DHTKD1: variants seen among roughly 807,000 people sequenced by gnomAD.
DHTKD1 encodes the protein dehydrogenase E1 and transketolase domain containing 1, also known as 2-oxoadipate dehydrogenase complex component E1.
A neutral mutation model predicts 101.8 loss-of-function variants in DHTKD1; 78 were observed. That is an observed-to-expected ratio of 0.77 (90% CI 0.64 to 0.93). DHTKD1 has a LOEUF of 0.93. Among genes scored for constraint, DHTKD1 ranks in the 40% least tolerant of loss-of-function variants. The pLI is 0.00. For missense variants in DHTKD1, 1,223 were observed against 1,161.7 expected (o/e 1.05, Z -0.77); for synonymous variants, 462 against 450.3 (o/e 1.03, Z -0.33).
At chr10:12,099,997 T>G (rs2131366914) in intron 8 of DHTKD1, among the ~76,000 whole-genome samples, 181 bp from the exon 9 acceptor site, 1 of 152,048 alleles carries the variant, frequency 6.6e-6, no homozygotes, top group Non-Finnish European at 1.5e-5. Context: ...AGTTTCACCA[T>G]GTTGTCCAGG....
At chr10:12,088,955 AT>A (rs1363968547) in intron 4 of DHTKD1, 30 bp from the exon 5 acceptor site, 10 of 1,591,418 alleles carry the variant, frequency 6.3e-6, no homozygotes, top group Non-Finnish European at 8.6e-6. Flanking sequence ...GATGAATGCC[AT>A]TTTTTTCCTT....
In DHTKD1 at chr10:12,103,164, G is replaced by A. The variant is rs1209444796; in HGVS notation, c.1896+1983G>A. On this transcript the variant is annotated intron_variant, in intron 10 of 16. Coordinates refer to ENST00000263035, the MANE Select transcript of DHTKD1 (RefSeq NM_018706.7). This position sits in a 1 kb window ranked among gnomAD's most constrained non-coding sequence, Gnocchi z 4.8. ...CTTGAACCCAGGAGGCAGAGGTAGT[G>A]AGCGGAGATCATACCACTGCCCTCC... Among the ~76,000 whole-genome samples, 1 of 152,110 alleles carries A rather than the reference G, an allele frequency of 6.6e-6. No homozygotes were observed. The highest frequency in any genetic ancestry group is 1.5e-5 in the Non-Finnish European group (1 of 68,038).
intron 1 of DHTKD1, among the ~76,000 whole-genome samples, chr10:12,077,937 A>G (rs1262156286): frequency 1.3e-5 from 2 of 152,008 alleles, no homozygotes; most frequent in African/African-American, 4.8e-5. Flanking sequence ...GCCCGAAGAA[A>G]TGGTAGTCTG....
chr10:12,095,935 G>A (rs1284922984), intron 7 of DHTKD1, among the ~76,000 whole-genome samples: 1 of 152,168 alleles, frequency 6.6e-6, no homozygotes, highest in Non-Finnish European at 1.5e-5. Context: ...CTTGAACTGG[G>A]GAGGCGGAGG....
intron 6 of DHTKD1, among the ~76,000 whole-genome samples, chr10:12,093,073 C>T (rs376909102): frequency 9.2e-5 from 13 of 140,920 alleles, no homozygotes; most frequent in East Asian, 2.1e-4. Flanking sequence ...GATGGAGTTT[C>T]GCTCTTGTTG....
chr10:12,114,130 C>T (rs910900397), intron 13 of DHTKD1, among the ~76,000 whole-genome samples: 2 of 150,870 alleles, frequency 1.3e-5, no homozygotes, highest in African/African-American at 2.4e-5. Flanking sequence ...TTAACACATA[C>T]GTAGGTTTAC....
chr10:12,097,566 A>G, intron 7 of DHTKD1, 118 bp from the exon 8 acceptor site: 1 of 857,648 alleles, frequency 1.2e-6, no homozygotes. Context: ...GAGCCACTGC[A>G]CCTGTCGAAT....
chr10:12,076,566 C>T (rs1832734737), intron 1 of DHTKD1, among the ~76,000 whole-genome samples: 1 of 152,130 alleles, frequency 6.6e-6, no homozygotes, highest in Non-Finnish European at 1.5e-5. Context: ...GGTGTGATGA[C>T]GTGCACCTGT....
intron 12 of DHTKD1, among the ~76,000 whole-genome samples, chr10:12,109,419 CAG>C (rs1410309447): frequency 2.0e-5 from 3 of 150,848 alleles, no homozygotes; most frequent in African/African-American, 4.9e-5. Context: ...GTTGAAGAAA[CAG>C]AGGAAATGAG....
chr10:12,075,483 G>T (rs189581193), intron 1 of DHTKD1, among the ~76,000 whole-genome samples: 3 of 151,918 alleles, frequency 2.0e-5, no homozygotes, highest in Non-Finnish European at 2.9e-5. Flanking sequence ...CTTGTGATCC[G>T]TCCGCCTCGG....
chr10:12,091,466 C>T (rs777063638), intron 5 of DHTKD1, 47 bp from the exon 6 acceptor site: 4 of 1,197,378 alleles, frequency 3.3e-6, no homozygotes, highest in Non-Finnish European at 4.6e-6. Flanking sequence ...TTCTTAATCC[C>T]TTATGTTTCT....
chr10:12,115,431 G>A (rs987547854), intron 13 of DHTKD1, among the ~76,000 whole-genome samples: 1 of 152,116 alleles, frequency 6.6e-6, no homozygotes, highest in East Asian at 1.9e-4. Flanking sequence ...ATTCAGAGGG[G>A]AGTAGGGAGG....
At chr10:12,083,090 G>A (rs1330274165) in intron 2 of DHTKD1, among the ~76,000 whole-genome samples, 3 of 152,018 alleles carry the variant, frequency 2.0e-5, no homozygotes, top group Admixed American at 2.0e-4. Flanking sequence ...GCCGGGAAGC[G>A]GAGCTTGCAG....
chr10:12,072,472 TAAATAAATAAATAAATAAATAAATA>T (rs1481249879), intron 1 of DHTKD1, among the ~76,000 whole-genome samples: 3 of 43,272 alleles, frequency 6.9e-5, no homozygotes, highest in African/African-American at 1.6e-4. Context: ...AATAAATAAA[TAAATAAATAAATAAATAAATAAATA>T]AATAAATACA....
rs1453603206 is a variant in DHTKD1, at chr10:12,083,220, T to C, written c.311-1320T>C. Among the ~76,000 whole-genome samples the C allele has an allele frequency of 2.6e-5, 4 of 151,942 alleles. No individual in the cohort carries two copies. The East Asian group carries it at 7.7e-4, about 29-fold the overall frequency. ...ATCTTTTGGCTTCCCTGGGCCACAT[T>C]GGAATTAGAATTGTCTTGGGCCATA... is the stretch of plus-strand genomic sequence containing the variant. On this transcript the variant is annotated intron_variant, in intron 2 of 16. Transcript: ENST00000263035.
In DHTKD1 at chr10:12,120,852, C is replaced by G. The variant is rs1198528397; in HGVS notation, c.2724C>G (p.His908Gln). The G allele has an allele frequency of 6.2e-7, 1 of 1,614,064 alleles. No individual in the cohort carries two copies. Among genetic ancestry groups the G allele is most frequent in the East Asian group, 2.2e-5 (1 of 44,876 alleles). ...TAGGAATTGGCACAGTTCACTTGCA[C>G]CAGCATGAAGATATCCTCGCCAAGA... ...PAVGIGTVHL[H>Q]QHEDILAKTF... The change falls in exon 17 of 17, where the codon CAC becomes CAG. Residue 908 changes from histidine to glutamine, a missense_variant. Coordinates refer to ENST00000263035, the MANE Select transcript of DHTKD1 (RefSeq NM_018706.7).
Position 12,110,432 on chromosome 10 carries a change from C to T in DHTKD1, c.2154+2417C>T, listed in dbSNP as rs142305891. Among the ~76,000 whole-genome samples, 854 of 152,058 alleles carry T rather than the reference C, an allele frequency of 5.6e-3. 5 individuals are homozygous for T. The highest frequency in any genetic ancestry group is 0.037 in the Middle Eastern group (11 of 294). ...TGGCACAAGACAATTCTTCTTCTTC[C>T]GGTGTGGCTCAGGTAAGCCAAAAGA... On this transcript the variant is annotated intron_variant, in intron 12 of 16. Transcript: ENST00000263035. This position sits in a 1 kb window ranked among gnomAD's most constrained non-coding sequence, Gnocchi z 4.9.
intron 1 of DHTKD1, among the ~76,000 whole-genome samples, chr10:12,077,685 A>G (rs188118610): frequency 1.8e-4 from 28 of 152,332 alleles, no homozygotes; most frequent in East Asian, 1.9e-4. Context: ...GGAGATGTCA[A>G]TGAAGAATGA....
Position 12,120,270 on chromosome 10 carries a change from A to C in DHTKD1, c.2658+3A>C, listed in dbSNP as rs1217007295. 6.2e-7 allele frequency: 1 copy of C among 1,612,618 alleles called. No individual in the cohort carries two copies. Among genetic ancestry groups the C allele is most frequent in the Non-Finnish European group, 8.5e-7 (1 of 1,178,796 alleles). ...TTGAAAAGCAGCTGGCCTGCAAGGT[A>C]ATCACACGTTTTCTCTGGTAGTGTT... On this transcript the variant is annotated splice_donor_region_variant and intron_variant, in intron 16 of 16. Transcript: ENST00000263035.
Sources: allele counts gnomAD v4.1 joint callset (sites outside exome capture counted in the v4.1 genomes callset), GRCh38; gene constraint gnomAD v4.1.1; non-coding constraint Gnocchi (gnomAD v3.1); transcripts MANE v1.5; gene names NCBI Gene and HGNC (gene_info 2026-07-23, HGNC 2026-07-21).